The following SORCS1 variants were observed in gnomAD, a reference collection of about 807,000 sequenced individuals.
SORCS1 encodes the protein VPS10 domain-containing receptor SorCS1.
SORCS1 carries 60 observed loss-of-function variants against 146.1 expected under a neutral mutation model. That is an observed-to-expected ratio of 0.41 (90% confidence interval 0.33 to 0.51). The LOEUF (loss-of-function observed/expected upper bound fraction) is 0.51, where lower values mean the gene tolerates loss of function less well. Ranked by LOEUF, SORCS1 falls within the 20% of genes least tolerant of loss-of-function variation. The probability of loss-of-function intolerance (pLI) is 0.21; values close to 1 mark genes in which losing one functional copy is unlikely to be tolerated. For synonymous variants in SORCS1, 637 were observed against 584.0 expected, an observed-to-expected ratio of 1.09 and a Z score of -1.31; for missense variants, 1,352 against 1,487.6, an observed-to-expected ratio of 0.91 and a Z score of 1.50.
chr10:106,818,795 A>G (rs974127430), intron 3 of SORCS1, among the ~76,000 whole-genome samples: 1 of 152,228 alleles, frequency 6.6e-6, no homozygotes, highest in Non-Finnish European at 1.5e-5. Context: ...AGTTTCTCAT[A>G]GTACATACAC....
chr10:106,733,268 A>G (rs1856740405), intron 5 of SORCS1, among the ~76,000 whole-genome samples: 1 of 152,148 alleles, frequency 6.6e-6, no homozygotes, highest in African/African-American at 2.4e-5. Context: ...ACAACTACAA[A>G]ACAAAGCTTT....
chr10:107,073,147 A>T (rs1962584876), intron 1 of SORCS1, among the ~76,000 whole-genome samples: 1 of 152,200 alleles, frequency 6.6e-6, no homozygotes, highest in Non-Finnish European at 1.5e-5. Flanking sequence ...TTTCCTAATG[A>T]TACTACTTTA....
chr10:106,738,570 C>T (rs1440567286), intron 5 of SORCS1, among the ~76,000 whole-genome samples: 1 of 152,162 alleles, frequency 6.6e-6, no homozygotes, highest in Non-Finnish European at 1.5e-5. Flanking sequence ...GGCTGGAGAT[C>T]CTGCGTGGGG....
At chr10:106,688,516 AAAC>A (rs1589666405) in intron 9 of SORCS1, among the ~76,000 whole-genome samples, 178 bp from the exon 10 acceptor site, 1 of 152,184 alleles carries the variant, frequency 6.6e-6, no homozygotes, top group South Asian at 2.1e-4. Flanking sequence ...GCTACTGGAC[AAAC>A]AACAACAGAT....
At chr10:107,082,026 T>C (rs2134244310) in intron 1 of SORCS1, among the ~76,000 whole-genome samples, 1 of 152,380 alleles carries the variant, frequency 6.6e-6, no homozygotes, top group Middle Eastern at 3.4e-3. Context: ...ACAGTGGCAG[T>C]TTCCCATTTG....
chr10:106,963,246 G>A (rs2139090823), intron 1 of SORCS1, among the ~76,000 whole-genome samples: 1 of 149,954 alleles, frequency 6.7e-6, no homozygotes, highest in South Asian at 2.1e-4. Flanking sequence ...CTCCCAAGTA[G>A]CTGGGACTAC....
chr10:107,144,257 T>C (rs1968105301), intron 1 of SORCS1, among the ~76,000 whole-genome samples: 2 of 152,194 alleles, frequency 1.3e-5, no homozygotes, highest in African/African-American at 4.8e-5. Flanking sequence ...AAATTATATT[T>C]CAACTATTTA....
At chr10:106,702,695 A>G (rs1854219539) in intron 8 of SORCS1, among the ~76,000 whole-genome samples, 1 of 152,226 alleles carries the variant, frequency 6.6e-6, no homozygotes, top group Non-Finnish European at 1.5e-5. Context: ...GTTTAATTGA[A>G]AAGTTTAAAA....
At chr10:107,065,661 G>A (rs537808546) in intron 1 of SORCS1, among the ~76,000 whole-genome samples, 2,132 of 151,862 alleles carry the variant, frequency 0.014, 30 homozygotes, top group Middle Eastern at 0.034. Context: ...TTGTTTGTTT[G>A]TTTGTTTGTT....
rs117952630 is a variant in SORCS1, at chr10:107,029,578, C to A, written c.559-72998G>T. On this transcript the variant is annotated intron_variant, in intron 1 of 25. Transcript: ENST00000263054. Reference sequence around the variant, plus strand: ...GAGCCACTTCATTTTAATCCTATTGCCTAAATTCTCAATGCATCATTCAAT... The same window carrying A: ...GAGCCACTTCATTTTAATCCTATTGACTAAATTCTCAATGCATCATTCAAT... Among the ~76,000 whole-genome samples the A allele has an allele frequency of 1.2e-3, 183 of 152,276 alleles. 2 individuals are homozygous for A. In the East Asian group the frequency reaches 0.026, roughly 22 times the overall value.
intron 1 of SORCS1, among the ~76,000 whole-genome samples, chr10:107,116,357 TAATC>T (rs1297839434): frequency 6.6e-6 from 1 of 152,126 alleles, no homozygotes; most frequent in East Asian, 1.9e-4. Context: ...GACATGGAAT[TAATC>T]AAAGTGTCCA....
Position 106,576,840 on chromosome 10 carries a change from C to CTCGGTGGT in SORCS1, c.*579_*580insACCACCGA. 5.8e-6 allele frequency: 1 copy of CTCGGTGGT among 171,478 alleles called. No individual in the cohort carries two copies. Among genetic ancestry groups the CTCGGTGGT allele is most frequent in the Non-Finnish European group, 1.2e-5 (1 of 80,122 alleles). 10.6% of individuals were successfully genotyped at this position (171,478 alleles called of 1,614,324 possible). A position where few individuals can be genotyped will look rare whatever the true frequency, so the allele number is the denominator to read the frequency against. The stretch of plus-strand genomic sequence containing the variant: ...TATGAAAGGAGCTGGGGTAGCTAAT[C>CTCGGTGGT]CACCCATCAGCCTTTAATGCTAAAA... On this transcript the variant is annotated 3_prime_UTR_variant, in exon 26 of 26. Transcript: ENST00000263054.
At chr10:107,012,361 G>C (rs1564924612) in intron 1 of SORCS1, among the ~76,000 whole-genome samples, 1 of 151,962 alleles carries the variant, frequency 6.6e-6, no homozygotes, top group Non-Finnish European at 1.5e-5. Context: ...CAGGCTTGAG[G>C]AAAAAAAATT....
intron 1 of SORCS1, among the ~76,000 whole-genome samples, chr10:107,138,278 T>G (rs553588780): frequency 6.6e-6 from 1 of 152,368 alleles, no homozygotes; most frequent in African/African-American, 2.4e-5. Context: ...ACTTAAAATA[T>G]TTACTGGCTC....
chr10:106,834,204 T>C (rs911058525), intron 2 of SORCS1, among the ~76,000 whole-genome samples: 1 of 152,176 alleles, frequency 6.6e-6, no homozygotes, highest in Admixed American at 6.5e-5. Context: ...ACATGAGCTC[T>C]AAAAGAGCAG....
intron 2 of SORCS1, among the ~76,000 whole-genome samples, chr10:106,873,124 A>T (rs1389398005): frequency 6.6e-6 from 1 of 152,122 alleles, no homozygotes; most frequent in Non-Finnish European, 1.5e-5. Flanking sequence ...CAATGAGCCG[A>T]GATTGCACCA....
At chr10:106,759,731 C>A (rs183697699) in intron 5 of SORCS1, among the ~76,000 whole-genome samples, 1 of 152,158 alleles carries the variant, frequency 6.6e-6, no homozygotes, top group Non-Finnish European at 1.5e-5. Flanking sequence ...TTGTCCCTTT[C>A]TTTCTCTTGC....
At chr10:106,796,384 G>A (rs566870854) in intron 3 of SORCS1, among the ~76,000 whole-genome samples, 1 of 152,234 alleles carries the variant, frequency 6.6e-6, no homozygotes, top group African/African-American at 2.4e-5. Context: ...TCAAGAAGAT[G>A]TAGATCTTCT....
chr10:106,917,922 T>C (rs1468458195), intron 2 of SORCS1, among the ~76,000 whole-genome samples: 1 of 152,236 alleles, frequency 6.6e-6, no homozygotes, highest in Non-Finnish European at 1.5e-5. Flanking sequence ...CAGGAGCCTA[T>C]GCTAACTTCT....
Sources: allele counts gnomAD v4.1 joint callset (sites outside exome capture counted in the v4.1 genomes callset), GRCh38; gene constraint gnomAD v4.1.1; transcripts MANE v1.5; gene names NCBI Gene and HGNC (gene_info 2026-07-23, HGNC 2026-07-21).